PTPRJ: variants seen among roughly 807,000 people sequenced by gnomAD.
PTPRJ encodes protein tyrosine phosphatase receptor type J.
Under a neutral mutation model 141.3 loss-of-function variants are expected in PTPRJ, and 129 were observed. The ratio of observed to expected loss-of-function variants is 0.91; its 90% CI spans 0.79 to 1.06. The LOEUF (loss-of-function observed/expected upper bound fraction) is 1.06. Ranked by LOEUF, PTPRJ falls within the 50% of genes least tolerant of loss-of-function variation. PTPRJ has a pLI of 0.00. For missense variants in PTPRJ, 1,601 were observed against 1,679.7 expected, an observed-to-expected ratio of 0.95 and a Z score of 0.82; for synonymous variants, 610 against 640.5, an observed-to-expected ratio of 0.95 and a Z score of 0.72.
At position 48,168,542 on chromosome 11, in the gene PTPRJ, A is replaced by G. The variant is rs1477566289; in HGVS notation, c.*1180A>G. ...ATATCGGAATCTACTGTGTATATAT[A>G]TATATATATATATATATATATATAT... On this transcript the variant is annotated 3_prime_UTR_variant, in exon 25 of 25. Coordinates refer to ENST00000418331, the MANE Select transcript of PTPRJ (RefSeq NM_002843.4). 1.4e-5 allele frequency: 1 copy of G among 73,242 alleles called. No homozygotes were observed. The highest frequency in any genetic ancestry group is 6.1e-4 in the South Asian group (1 of 1,636). 4.5% of individuals were successfully genotyped at this position (73,242 alleles called of 1,614,324 possible).
At chr11:48,121,979 G>T (rs960509445) in intron 4 of PTPRJ, among the ~76,000 whole-genome samples, 1 of 152,068 alleles carries the variant, frequency 6.6e-6, no homozygotes, top group Non-Finnish European at 1.5e-5. Context: ...TGGAGCCCAC[G>T]GCTGGAGGTG....
chr11:48,032,847 A>T (rs1473972926), intron 1 of PTPRJ, among the ~76,000 whole-genome samples: 1 of 152,236 alleles, frequency 6.6e-6, no homozygotes, highest in Non-Finnish European at 1.5e-5. Flanking sequence ...TGTTCCAAAC[A>T]CTGGGGATAT....
chr11:48,090,036 A>G (rs1345263526), intron 1 of PTPRJ, among the ~76,000 whole-genome samples: 1 of 152,242 alleles, frequency 6.6e-6, no homozygotes, highest in Non-Finnish European at 1.5e-5. Context: ...GGTTGTTATT[A>G]TTCAGGAAAA....
At position 48,156,121 on chromosome 11, in the gene PTPRJ, T is replaced by C; in HGVS notation, c.3438+2T>C. The C allele has an allele frequency of 6.4e-7, 1 of 1,569,638 alleles. No homozygotes were observed. Among genetic ancestry groups the C allele is most frequent in the South Asian group, 1.2e-5 (1 of 86,436 alleles). On this transcript the variant is annotated splice_donor_variant, in intron 21 of 24. Transcript: ENST00000418331. LOFTEE classifies it high-confidence loss of function. Reference sequence around the variant, plus strand: ...ACTAAATGTGTTGAACAGGGAAGAGTAAGTATCTTTTTTAGTTTTTAAAAT... The same window carrying C: ...ACTAAATGTGTTGAACAGGGAAGAGCAAGTATCTTTTTTAGTTTTTAAAAT...
chr11:48,158,022 C>G lies in PTPRJ; in HGVS notation c.3438+1903C>G, dbSNP rs1480390654. 6.6e-6 allele frequency among the ~76,000 whole-genome samples: 1 copy of G among 152,110 alleles called. No individual in the cohort carries two copies. The highest frequency in any genetic ancestry group is 2.1e-4 in the South Asian group (1 of 4,822). On this transcript the variant is annotated intron_variant, in intron 21 of 24. Coordinates refer to ENST00000418331, the MANE Select transcript of PTPRJ (RefSeq NM_002843.4). The surrounding 1 kb of genome is among the most constrained non-coding windows in gnomAD (Gnocchi z 4.4). ...CAAAAATTAGCCAGGCGTGGTGGTG[C>G]ATGCCTGTAATCCCAGCTACTTGGG...
chr11:48,019,264 G>A (rs1344880458), intron 1 of PTPRJ, among the ~76,000 whole-genome samples: 2 of 152,040 alleles, frequency 1.3e-5, no homozygotes, highest in Non-Finnish European at 2.9e-5. Context: ...TTTCAGTGAC[G>A]AGGAAGCATC....
chr11:48,157,050 T>A (rs775985270), intron 21 of PTPRJ, among the ~76,000 whole-genome samples: 3 of 151,972 alleles, frequency 2.0e-5, no homozygotes, highest in East Asian at 3.9e-4. Flanking sequence ...AGTGCCGTGG[T>A]GTGATCTTGG....
chr11:48,110,083 ACCC>A lies in PTPRJ; in HGVS notation c.115+8_115+10del, dbSNP rs774323140. On this transcript the variant is annotated splice_region_variant and intron_variant, in intron 2 of 24. Transcript: ENST00000418331. The stretch of plus-strand genomic sequence containing the variant: ...ATCCTGTGCGCAGGTGGCAGTGAGT[ACCC>A]TTTTCCTCTCTATTCTTGTGTTGTT... The A allele has an allele frequency of 6.2e-7, 1 of 1,613,008 alleles. No individual in the cohort carries two copies. The highest frequency in any genetic ancestry group is 8.5e-7 in the Non-Finnish European group (1 of 1,179,102).
chr11:48,040,371 C>G (rs1854243793), intron 1 of PTPRJ, among the ~76,000 whole-genome samples: 1 of 152,202 alleles, frequency 6.6e-6, no homozygotes, highest in Admixed American at 6.5e-5. Context: ...GGCTAGTCTC[C>G]TTATGTACAC....
intron 1 of PTPRJ, among the ~76,000 whole-genome samples, chr11:48,047,793 G>T (rs2134243383): frequency 6.6e-6 from 1 of 152,238 alleles, no homozygotes; most frequent in Non-Finnish European, 1.5e-5. Flanking sequence ...TGAGCCACTG[G>T]TGACTTGTGA....
Position 48,046,210 on chromosome 11 carries a change from C to G in PTPRJ, c.97-63848C>G, listed in dbSNP as rs543071728. 158 of 152,130 alleles carry G rather than the reference C, an allele frequency of 1.0e-3. 1 individual carries two copies. The highest frequency in any genetic ancestry group is 3.6e-3 in the African/African-American group (149 of 41,514). The allele number at this position is 152,130 out of a possible 1,614,324, so 9.4% of individuals were successfully genotyped here. The stretch of plus-strand genomic sequence containing the variant: ...TACAGCTGTGTACCACTATGTCTGG[C>G]TAATTTTTTGTATTTTTAGTAGAGA... On this transcript the variant is annotated intron_variant, in intron 1 of 24. Transcript: ENST00000418331.
chr11:48,159,487 T>G (rs1188978133), intron 21 of PTPRJ, among the ~76,000 whole-genome samples: 1 of 152,202 alleles, frequency 6.6e-6, no homozygotes, highest in Admixed American at 6.5e-5. Flanking sequence ...TAAATCAATT[T>G]TCATGCTGAA....
rs147031123 is a variant in PTPRJ at position 48,160,049 on chromosome 11, T to G, written c.3558T>G (p.Asn1186Lys). ...CCATCAGAGATTTCACAGTGAAAAATGTAAGTAAGAAGTCAGGATCAGTTG... is the reference window on the plus strand; with the variant it reads ...CCATCAGAGATTTCACAGTGAAAAAGGTAAGTAAGAAGTCAGGATCAGTTG... ...EWTIRDFTVK[N>K]IQTSESHPLR... The change falls in exon 22 of 25, where the codon AAT becomes AAG. Residue 1186 changes from asparagine to lysine, a missense_variant and splice_region_variant. Physicochemically the swap from Asn to Lys is moderately conservative, Grantham distance 94 (BLOSUM62 0). Transcript: ENST00000418331. 414 of 1,613,698 alleles carry G rather than the reference T, an allele frequency of 2.6e-4. No homozygotes were observed. The highest frequency in any genetic ancestry group is 3.4e-4 in the Non-Finnish European group (402 of 1,179,804).
rs560961858 is a variant in PTPRJ, at chr11:48,133,180, T to C, written c.1615+2464T>C. On this transcript the variant is annotated intron_variant, in intron 8 of 24. Coordinates refer to ENST00000418331, the MANE Select transcript of PTPRJ (RefSeq NM_002843.4). Reference sequence around the variant, plus strand: ...AGTAAGAAATGGGGGCTCTGCAAACTTAAGTAACTGGCCCAGAGTGACAAG... The same window carrying C: ...AGTAAGAAATGGGGGCTCTGCAAACCTAAGTAACTGGCCCAGAGTGACAAG... Among the ~76,000 whole-genome samples the C allele has an allele frequency of 8.5e-5, 13 of 152,346 alleles. 1 individual carries two copies. In the South Asian group the frequency reaches 1.7e-3, roughly 19 times the overall value.
chr11:48,156,575 GGTTTTTTTTTTTTTTTTT>G (rs57763916), intron 21 of PTPRJ, among the ~76,000 whole-genome samples: 113,788 of 123,530 alleles, frequency 0.92, 52,383 homozygotes, highest in South Asian at 0.96. Flanking sequence ...TCCACCCCAG[GGTTTTTTTTTTTTTTTTT>G]TTTTTTTTTT....
intron 22 of PTPRJ, among the ~76,000 whole-genome samples, chr11:48,163,256 G>A (rs1857830894): frequency 6.6e-6 from 1 of 152,164 alleles, no homozygotes; most frequent in Admixed American, 6.5e-5. Context: ...ATCTTTAAAG[G>A]GGGATAATAA....
intron 12 of PTPRJ, 94 bp from the exon 13 acceptor site, chr11:48,144,581 C>T: frequency 2.0e-6 from 2 of 1,008,878 alleles, no homozygotes; most frequent in Non-Finnish European, 3.0e-6. Flanking sequence ...TTGCTGATCA[C>T]TATCACCCAA....
chr11:48,136,103 G>C lies in PTPRJ; in HGVS notation c.1680G>C (p.Trp560Cys). The change falls in exon 9 of 25, where the codon TGG becomes TGC. Residue 560 changes from tryptophan (W) to cysteine (C), a missense_variant. Transcript: ENST00000418331. The part of the protein sequence containing the change: ...YVTTTEMWLD[W>C]KSPDGASEYV... ...CCACCACGGAGATGTGGCTGGACTG[G>C]AAGAGCCCTGACGGTGCTTCCGAGT... 6.2e-7 allele frequency: 1 copy of C among 1,614,152 alleles called. No individual in the cohort carries two copies. The highest frequency in any genetic ancestry group is 8.5e-7 in the Non-Finnish European group (1 of 1,180,008).
At chr11:47,996,049 A>G (rs1376723620) in intron 1 of PTPRJ, among the ~76,000 whole-genome samples, 2 of 148,158 alleles carry the variant, frequency 1.3e-5, no homozygotes, top group Non-Finnish European at 3.0e-5. Context: ...CAAAAAAAAA[A>G]AAGGCTGGGT....
Sources: allele counts gnomAD v4.1 joint callset (sites outside exome capture counted in the v4.1 genomes callset), GRCh38; gene constraint gnomAD v4.1.1; non-coding constraint Gnocchi (gnomAD v3.1); transcripts MANE v1.5; gene names NCBI Gene and HGNC (gene_info 2026-07-23, HGNC 2026-07-21).